IPO11: variants seen among roughly 807,000 people sequenced by gnomAD.
IPO11 encodes importin-11.
Under a neutral mutation model 143.2 loss-of-function variants are expected in IPO11, and 66 were observed. That is an observed-to-expected ratio of 0.46 (90% CI 0.38 to 0.57). The LOEUF (loss-of-function observed/expected upper bound fraction) is 0.57. IPO11 is among the 20% of genes least tolerant of loss of function. The pLI is 0.00. For synonymous variants in IPO11, 385 were observed against 377.8 expected (o/e 1.02, Z -0.22); for missense variants, 1,026 against 1,141.0 (o/e 0.90, Z 1.45).
intron 19 of IPO11, among the ~76,000 whole-genome samples, chr5:62,513,784 C>T (rs939303605): frequency 9.2e-5 from 14 of 151,468 alleles, no homozygotes; most frequent in African/African-American, 3.2e-4. Flanking sequence ...AGACGCTCCT[C>T]ACTTCCCAGA....
intron 29 of IPO11, among the ~76,000 whole-genome samples, chr5:62,605,455 G>A (rs1165395628): frequency 1.3e-5 from 2 of 151,946 alleles, no homozygotes; most frequent in Admixed American, 1.3e-4. Flanking sequence ...TTTCATTTCG[G>A]TGAAATAATA....
intron 16 of IPO11, 122 bp downstream of exon 16, chr5:62,494,246 T>C: frequency 1.4e-6 from 1 of 720,598 alleles, no homozygotes; most frequent in Non-Finnish European, 2.0e-6. Flanking sequence ...GCACTAGTTA[T>C]TCCTTGGTGA....
chr5:62,621,165 G>T (rs1185440332), intron 29 of IPO11, among the ~76,000 whole-genome samples: 2 of 152,176 alleles, frequency 1.3e-5, no homozygotes, highest in Non-Finnish European at 2.9e-5. Flanking sequence ...TAGCCAATGC[G>T]ATGAGAAGAG....
chr5:62,546,505 A>T (rs941271143), intron 24 of IPO11, among the ~76,000 whole-genome samples: 1 of 152,048 alleles, frequency 6.6e-6, no homozygotes, highest in Non-Finnish European at 1.5e-5. Flanking sequence ...GTAAATGACG[A>T]GCTAATGGGT....
chr5:62,619,540 T>C (rs1006166085), intron 29 of IPO11, among the ~76,000 whole-genome samples: 1 of 152,144 alleles, frequency 6.6e-6, no homozygotes, highest in Non-Finnish European at 1.5e-5. Context: ...GTCTTTACCA[T>C]GATAAAATAT....
rs1037655119 is a variant in IPO11 at position 62,560,192 on chromosome 5, A to C, written c.2461-944A>C. 7.6e-4 allele frequency among the ~76,000 whole-genome samples: 116 copies of C among 152,326 alleles called. 1 individual carries two copies. The highest frequency in any genetic ancestry group is 2.5e-3 in the African/African-American group (103 of 41,564). On this transcript the variant is annotated intron_variant, in intron 26 of 29. Coordinates refer to ENST00000325324, the MANE Select transcript of IPO11 (RefSeq NM_016338.5). ...AGGGACACTAAATAAAGCAGAAATCAGGAGGCCTTCCCAGGACTAGGGCTA... is the reference window on the plus strand; with the variant it reads ...AGGGACACTAAATAAAGCAGAAATCCGGAGGCCTTCCCAGGACTAGGGCTA...
chr5:62,530,679 G>GTGGTT, intron 21 of IPO11, 30 bp from the exon 22 acceptor site: 2 of 1,436,544 alleles, frequency 1.4e-6, no homozygotes, highest in Middle Eastern at 1.9e-4. Flanking sequence ...GGCATGGAAA[G>GTGGTT]TGGTTTAATC....
At chr5:62,500,140 C>A (rs1306499980) in intron 16 of IPO11, among the ~76,000 whole-genome samples, 1 of 152,118 alleles carries the variant, frequency 6.6e-6, no homozygotes, top group African/African-American at 2.4e-5. Flanking sequence ...CAAAAATTAG[C>A]CAGACATGGT....
At chr5:62,503,085 A>C (rs1357844321) in intron 16 of IPO11, among the ~76,000 whole-genome samples, 1 of 152,040 alleles carries the variant, frequency 6.6e-6, no homozygotes, top group Non-Finnish European at 1.5e-5. Context: ...TCCGCCTCCC[A>C]AAGTGCTGGG....
intron 1 of IPO11, among the ~76,000 whole-genome samples, chr5:62,418,107 C>T (rs1263538751): frequency 6.6e-6 from 1 of 152,040 alleles, no homozygotes; most frequent in Non-Finnish European, 1.5e-5. Flanking sequence ...TCTCCTGCTG[C>T]AGCTTTCCGA....
intron 5 of IPO11, among the ~76,000 whole-genome samples, chr5:62,462,278 C>T (rs984921235): frequency 6.6e-6 from 1 of 151,744 alleles, no homozygotes; most frequent in Non-Finnish European, 1.5e-5. Flanking sequence ...TTGAGTCCAC[C>T]ATGTTTAAAT....
At chr5:62,498,651 G>C (rs577627122) in intron 16 of IPO11, among the ~76,000 whole-genome samples, 1 of 152,260 alleles carries the variant, frequency 6.6e-6, no homozygotes, top group African/African-American at 2.4e-5. Flanking sequence ...CACTTTGAGA[G>C]GCCAAAGTGG....
chr5:62,593,523 A>C (rs1745110395), intron 28 of IPO11, among the ~76,000 whole-genome samples: 1 of 152,122 alleles, frequency 6.6e-6, no homozygotes, highest in Non-Finnish European at 1.5e-5. Context: ...GTGGAGTGAC[A>C]CAGCAGATTT....
intron 1 of IPO11, among the ~76,000 whole-genome samples, chr5:62,421,437 T>G (rs1463991695): frequency 3.3e-5 from 5 of 152,222 alleles, no homozygotes. Context: ...AGTCTAAAGC[T>G]AAAAATTCCC....
intron 1 of IPO11, among the ~76,000 whole-genome samples, chr5:62,421,955 G>C (rs929594355): frequency 5.3e-5 from 8 of 152,164 alleles, no homozygotes; most frequent in Admixed American, 3.9e-4. Flanking sequence ...TCTATATTTG[G>C]AGAGAGGACT....
At chr5:62,521,980 T>C (rs2112298076) in intron 20 of IPO11, among the ~76,000 whole-genome samples, 1 of 152,328 alleles carries the variant, frequency 6.6e-6, no homozygotes, top group African/African-American at 2.4e-5. Flanking sequence ...CTTTCATCTC[T>C]GCCTGGTCTC....
chr5:62,453,694 T>C (rs1328297767), intron 5 of IPO11, among the ~76,000 whole-genome samples: 2 of 152,328 alleles, frequency 1.3e-5, no homozygotes, highest in African/African-American at 4.8e-5. Context: ...CTGAGAGGTT[T>C]CTGAACCACA....
At position 62,612,132 on chromosome 5, in the gene IPO11, G is replaced by A. The variant is rs115112648; in HGVS notation, c.2763+10284G>A. Reference sequence around the variant, plus strand: ...TATATGATCTATATGTATTTTAAATGTTAAAATTACGTTACATTCTGTTCT... The same window carrying A: ...TATATGATCTATATGTATTTTAAATATTAAAATTACGTTACATTCTGTTCT... On this transcript the variant is annotated intron_variant, in intron 29 of 29. Coordinates refer to ENST00000325324, the MANE Select transcript of IPO11 (RefSeq NM_016338.5). Among the ~76,000 whole-genome samples, 791 of 152,090 alleles carry A rather than the reference G, an allele frequency of 5.2e-3. 8 individuals are homozygous for A. Among genetic ancestry groups the A allele is most frequent in the African/African-American group, 0.018 (761 of 41,512 alleles).
intron 18 of IPO11, among the ~76,000 whole-genome samples, chr5:62,505,447 G>A (rs759866548): frequency 5.3e-5 from 8 of 152,036 alleles, no homozygotes; most frequent in Non-Finnish European, 8.8e-5. Flanking sequence ...AGAGGACTGG[G>A]TGAGAAGAAA....
Sources: allele counts gnomAD v4.1 joint callset (sites outside exome capture counted in the v4.1 genomes callset), GRCh38; gene constraint gnomAD v4.1.1; transcripts MANE v1.5; gene names NCBI Gene and HGNC (gene_info 2026-07-23, HGNC 2026-07-21).